The following CINP variants were observed in gnomAD, a reference collection of about 807,000 sequenced individuals.
CINP encodes the protein cyclin dependent kinase 2 interacting protein.
CINP carries 11 observed loss-of-function variants against 20.5 expected under a neutral mutation model. That is an observed-to-expected ratio of 0.54 (90% CI 0.34 to 0.89). The LOEUF is 0.89. Ranked by LOEUF, CINP falls within the 40% of genes least tolerant of loss-of-function variation. The pLI is 0.02. For synonymous variants in CINP, 108 were observed against 102.1 expected, an observed-to-expected ratio of 1.06 and a Z score of -0.35; for missense variants, 213 against 251.0, an observed-to-expected ratio of 0.85 and a Z score of 1.02.
chr14:102,353,929 A>G (rs1886933790), intron 3 of CINP, among the ~76,000 whole-genome samples: 1 of 152,068 alleles, frequency 6.6e-6, no homozygotes, highest in African/African-American at 2.4e-5. Flanking sequence ...TGTACAAACG[A>G]ATTTTAAAAA....
intron 4 of CINP, among the ~76,000 whole-genome samples, chr14:102,349,538 C>A (rs1886819748): frequency 6.6e-6 from 1 of 152,018 alleles, no homozygotes; most frequent in Non-Finnish European, 1.5e-5. Context: ...GCTGCAGTGA[C>A]CCTCAATTTG....
In CINP at chr14:102,348,473, C is replaced by A; in HGVS notation, c.*84G>T. 1 of 1,288,288 alleles carries A rather than the reference C, an allele frequency of 7.8e-7. No individual in the cohort carries two copies. The highest frequency in any genetic ancestry group is 2.7e-4 in the Middle Eastern group (1 of 3,748). The allele number at this position is 1,288,288 out of a possible 1,614,324, so 79.8% of individuals were successfully genotyped here. A position where few individuals can be genotyped will look rare whatever the true frequency, so the allele number is the denominator to read the frequency against. On this transcript the variant is annotated 3_prime_UTR_variant, in exon 5 of 5. Coordinates refer to ENST00000216756, the MANE Select transcript of CINP (RefSeq NM_032630.3). ...CCAAGGTCTGATCCTGGGGTCTGAT[C>A]CAGGCCTGCGGCACTGGGTCCTAGG...
chr14:102,348,344 G>A lies in CINP; in HGVS notation c.*213C>T. The A allele has an allele frequency of 1.8e-6, 1 of 566,532 alleles. No homozygotes were observed. The allele number at this position is 566,532 out of a possible 1,614,324, so 35.1% of individuals were successfully genotyped here. A position where few individuals can be genotyped will look rare whatever the true frequency, so the allele number is the denominator to read the frequency against. On this transcript the variant is annotated 3_prime_UTR_variant, in exon 5 of 5. Transcript: ENST00000216756. ...CCACGAATGACAGATTCCCAGGAGGGGCAGAGAAGGCTGAGCAGCACCACG... is the reference window on the plus strand; with the variant it reads ...CCACGAATGACAGATTCCCAGGAGGAGCAGAGAAGGCTGAGCAGCACCACG...
intron 1 of CINP, among the ~76,000 whole-genome samples, chr14:102,359,800 G>T (rs11629090): frequency 0.35 from 53,706 of 152,004 alleles, 9,738 homozygotes; most frequent in Middle Eastern, 0.4. Flanking sequence ...TCACCAGATA[G>T]AGCTGAATCC....
chr14:102,356,271 T>A (rs1191386863), intron 2 of CINP, among the ~76,000 whole-genome samples: 1 of 151,924 alleles, frequency 6.6e-6, no homozygotes, highest in Non-Finnish European at 1.5e-5. Context: ...AAGTAAAAAT[T>A]AGCTGGGCAT....
intron 3 of CINP, among the ~76,000 whole-genome samples, chr14:102,354,333 T>C (rs2139629616): frequency 1.3e-5 from 2 of 152,342 alleles, no homozygotes; most frequent in Middle Eastern, 6.8e-3. Context: ...TTCTGGCCCA[T>C]AGCCTATTTC....
Position 102,350,048 on chromosome 14 carries a change from T to A in CINP, c.307A>T (p.Thr103Ser). 2 of 1,610,728 alleles carry A rather than the reference T, an allele frequency of 1.2e-6. No individual in the cohort carries two copies. The highest frequency in any genetic ancestry group is 1.7e-6 in the Non-Finnish European group (2 of 1,177,942). ...TTTTCCATTTTCACCTGTATTTTGGTCTGAAAGATATCCATTTGGAATATG... is the reference window on the plus strand; with the variant it reads ...TTTTCCATTTTCACCTGTATTTTGGACTGAAAGATATCCATTTGGAATATG... ...EELQATLDGL[T>S]KIQVKMEKLS... The change falls in exon 4 of 5, where the codon ACC becomes TCC. Residue 103 changes from threonine to serine, a missense_variant and splice_region_variant. By Grantham distance (58) the Thr-to-Ser change is moderately conservative (BLOSUM62 1). Coordinates refer to ENST00000216756, the MANE Select transcript of CINP (RefSeq NM_032630.3).
At chr14:102,359,702 G>A in intron 1 of CINP, 115 bp from the exon 2 acceptor site, 2 of 654,892 alleles carry the variant, frequency 3.1e-6, no homozygotes, top group Non-Finnish European at 4.9e-6. Flanking sequence ...GTATCAACTG[G>A]ACAAATAAAT....
intron 3 of CINP, among the ~76,000 whole-genome samples, chr14:102,352,912 G>A (rs964766392): frequency 2.0e-5 from 3 of 151,788 alleles, no homozygotes; most frequent in Non-Finnish European, 4.4e-5. Context: ...GCCTCCTAGA[G>A]TGCTGGGATT....
chr14:102,360,214 C>T (rs1385459801), intron 1 of CINP, among the ~76,000 whole-genome samples: 1 of 152,076 alleles, frequency 6.6e-6, no homozygotes, highest in East Asian at 1.9e-4. Flanking sequence ...CTACTGGCAG[C>T]TCTTGAAAAG....
At chr14:102,352,356 G>A (rs1038768314) in intron 3 of CINP, 11 of 324,976 alleles carry the variant, frequency 3.4e-5, no homozygotes, top group Admixed American at 1.6e-4. Context: ...CATCAATAAA[G>A]AATTCAAGTC....
rs909283551 is a variant in CINP at position 102,351,836 on chromosome 14, C to T, written c.307-1788G>A. The stretch of plus-strand genomic sequence containing the variant: ...AAGGTTGAGCTGAGGAAGGATGAGG[C>T]CAGAACTCGATACCATGCCTTCTGA... On this transcript the variant is annotated intron_variant, in intron 3 of 4. Transcript: ENST00000216756. This position sits in a 1 kb window ranked among gnomAD's most constrained non-coding sequence, Gnocchi z 4.2. Among the ~76,000 whole-genome samples the T allele has an allele frequency of 2.0e-4, 31 of 152,140 alleles. No homozygotes were observed. The highest frequency in any genetic ancestry group is 6.3e-4 in the African/African-American group (26 of 41,448).
In CINP at chr14:102,350,396, TC is replaced by T. The variant is rs1362539416; in HGVS notation, c.307-349del. Reference sequence around the variant, plus strand: ...GGCTCTTGCTGCCTTTTTTTTTTTTTCTTTTTTTTTTTGCGACAGGGTCTCA... The same window carrying T: ...GGCTCTTGCTGCCTTTTTTTTTTTTTTTTTTTTTTTTGCGACAGGGTCTCA... On this transcript the variant is annotated intron_variant, in intron 3 of 4. Coordinates refer to ENST00000216756, the MANE Select transcript of CINP (RefSeq NM_032630.3). Among the ~76,000 whole-genome samples the T allele has an allele frequency of 7.0e-3, 1,046 of 150,452 alleles. 10 individuals carry two copies. The highest frequency in any genetic ancestry group is 0.024 in the African/African-American group (989 of 40,652).
chr14:102,352,273 A>G (rs1378374489), intron 3 of CINP: 7 of 250,614 alleles, frequency 2.8e-5, no homozygotes, highest in South Asian at 1.8e-4. Flanking sequence ...AGAAAAGCTG[A>G]TAACAGGAGA....
At chr14:102,350,701 G>A (rs965470634) in intron 3 of CINP, among the ~76,000 whole-genome samples, 4 of 151,866 alleles carry the variant, frequency 2.6e-5, no homozygotes, top group Non-Finnish European at 1.5e-5. Flanking sequence ...CATCAAATGA[G>A]CTCGTTTCTG....
intron 3 of CINP, among the ~76,000 whole-genome samples, chr14:102,354,451 G>A (rs186374777): frequency 8.0e-4 from 121 of 152,200 alleles, no homozygotes; most frequent in African/African-American, 2.5e-3. Flanking sequence ...TTCTAATTTC[G>A]GTGTCCAAAG....
intron 1 of CINP, chr14:102,362,564 C>A (rs1291962293): frequency 1.4e-6 from 1 of 703,582 alleles, no homozygotes; most frequent in African/African-American, 1.7e-5. Context: ...TTTATAGTGA[C>A]AATAATTACA....
At chr14:102,359,227 A>T (rs371017319) in intron 2 of CINP, among the ~76,000 whole-genome samples, 192 bp downstream of exon 2, 145 of 115,416 alleles carry the variant, frequency 1.3e-3, no homozygotes, top group African/African-American at 3.4e-3. Flanking sequence ...TAAATAACTA[A>T]ATATATATAT....
chr14:102,359,833 A>G (rs941269467), intron 1 of CINP, among the ~76,000 whole-genome samples: 2 of 152,216 alleles, frequency 1.3e-5, no homozygotes, highest in African/African-American at 2.4e-5. Flanking sequence ...ATGGCTCCAC[A>G]AAGTTTTTAC....
Sources: gnomAD v4.1 joint callset for allele counts (sites outside exome capture counted in the v4.1 genomes callset) on GRCh38, gnomAD v4.1.1 for gene constraint, Gnocchi (gnomAD v3.1) non-coding constraint, MANE v1.5 for transcripts, NCBI Gene and HGNC (gene_info 2026-07-23, HGNC 2026-07-21) for gene names.